Variants in LPA observed in about 807,000 individuals in gnomAD.
LPA encodes lipoprotein(a).
LPA carries 199 observed loss-of-function variants against 197.9 expected under a neutral mutation model. The ratio of observed to expected loss-of-function variants is 1.01; its 90% CI spans 0.90 to 1.13. The LOEUF is 1.13. Ranked by LOEUF, LPA falls within the 50% of genes most tolerant of loss-of-function variation. LPA has a pLI of 0.00. For missense variants in LPA, 1,853 were observed against 1,785.8 expected (o/e 1.04, Z -0.68); for synonymous variants, 715 against 639.5 (o/e 1.12, Z -1.78).
At chr6:160,595,011 G>A (rs971614847) in intron 21 of LPA, among the ~76,000 whole-genome samples, 1 of 152,290 alleles carries the variant, frequency 6.6e-6, no homozygotes, top group Middle Eastern at 3.4e-3. Context: ...ACCATGAAAG[G>A]CTTATCATGA....
At chr6:160,553,954 T>TGTGTGTGTGTGTGTGTGCAC (rs771903485) in intron 30 of LPA, among the ~76,000 whole-genome samples, 44 of 130,806 alleles carry the variant, frequency 3.4e-4, no homozygotes, top group Non-Finnish European at 4.8e-4. Flanking sequence ...TGTGTGTGTG[T>TGTGTGTGTGTGTGTGTGCAC]GCGCGCGCGC....
Position 160,595,548 on chromosome 6 carries a change from A to G in LPA, c.3288-13T>C, listed in dbSNP as rs763435449. 1.2e-6 allele frequency: 2 copies of G among 1,613,930 alleles called. No individual in the cohort carries two copies. The highest frequency in any genetic ancestry group is 1.7e-5 in the Admixed American group (1 of 60,016). ...CCTGGTCAGGCCACTGCAAATTTCA[A>G]AACAACACAGGTCACCAGAGATGGG... On this transcript the variant is annotated splice_polypyrimidine_tract_variant and intron_variant, in intron 20 of 38. Coordinates refer to ENST00000316300, the MANE Select transcript of LPA (RefSeq NM_005577.4).
chr6:160,577,171 G>A lies in LPA; in HGVS notation c.4596C>T (p.His1532=), dbSNP rs1778699777. 6.2e-7 allele frequency: 1 copy of A among 1,613,852 alleles called. No individual in the cohort carries two copies. Residue 1532 remains histidine, a synonymous_variant, in exon 28 of 39, where the codon CAC becomes CAT. Transcript: ENST00000316300. ...TCQSWSSMIP[H]WHQRTPENYP... is the part of the protein sequence containing the mutation. Reference sequence around the variant, plus strand: ...AGTTTTCTGGGGTCCTCTGATGCCAGTGTGGTATCATAGATGACCAAGATT... The same window carrying A: ...AGTTTTCTGGGGTCCTCTGATGCCAATGTGGTATCATAGATGACCAAGATT...
intron 26 of LPA, among the ~76,000 whole-genome samples, chr6:160,579,657 T>A (rs1451787789): frequency 6.6e-6 from 1 of 152,128 alleles, no homozygotes; most frequent in Non-Finnish European, 1.5e-5. Context: ...AGAACGTTGC[T>A]CCAACCTCTC....
chr6:160,571,941 C>G (rs751356763), intron 28 of LPA, among the ~76,000 whole-genome samples: 9 of 152,204 alleles, frequency 5.9e-5, no homozygotes, highest in Non-Finnish European at 1.0e-4. Flanking sequence ...ACTCCTGCAG[C>G]TAGCTTAGTG....
intron 34 of LPA, among the ~76,000 whole-genome samples, chr6:160,542,306 C>G (rs539409034): frequency 1.3e-5 from 2 of 152,306 alleles, no homozygotes; most frequent in East Asian, 3.9e-4. Context: ...TAAGTTTGCT[C>G]TTGTCCTCCC....
intron 20 of LPA, among the ~76,000 whole-genome samples, chr6:160,595,903 C>T (rs928632946): frequency 2.6e-5 from 4 of 152,038 alleles, no homozygotes; most frequent in African/African-American, 9.7e-5. Flanking sequence ...ATCAGAATAC[C>T]CTCCTTCCAC....
intron 28 of LPA, among the ~76,000 whole-genome samples, chr6:160,568,691 T>C (rs199763834): frequency 2.0e-5 from 3 of 152,210 alleles, no homozygotes; most frequent in African/African-American, 2.4e-5. Flanking sequence ...AAGAGGAAGT[T>C]AAATTGTCCC....
At chr6:160,576,905 C>A (rs1412196842) in intron 28 of LPA, among the ~76,000 whole-genome samples, 1 of 151,860 alleles carries the variant, frequency 6.6e-6, no homozygotes. Flanking sequence ...ATTAATATGA[C>A]TTCGCCACTT....
intron 2 of LPA, among the ~76,000 whole-genome samples, chr6:160,647,533 G>A (rs1779918699): frequency 6.6e-6 from 1 of 152,152 alleles, no homozygotes; most frequent in South Asian, 2.1e-4. Flanking sequence ...TGTACTAAGA[G>A]CCAGAGCTCT....
At chr6:160,586,337 A>C (rs1778909223) in intron 25 of LPA, 112 bp downstream of exon 25, 1 of 1,284,086 alleles carries the variant, frequency 7.8e-7, no homozygotes, top group Admixed American at 1.9e-5. Context: ...GCTGTCCATG[A>C]CTTCACCTTC....
At chr6:160,611,361 C>G (rs772845970) in intron 16 of LPA, among the ~76,000 whole-genome samples, 1 of 152,048 alleles carries the variant, frequency 6.6e-6, no homozygotes. Context: ...TTCTGCTCCA[C>G]AAAACTAGGA....
At chr6:160,591,900 A>G (rs1779036852) in intron 22 of LPA, among the ~76,000 whole-genome samples, 1 of 152,146 alleles carries the variant, frequency 6.6e-6, no homozygotes, top group Admixed American at 6.5e-5. Flanking sequence ...CTGTGGTCTT[A>G]GATCAACTGT....
At chr6:160,578,898 T>G (rs1188782287) in intron 26 of LPA, among the ~76,000 whole-genome samples, 194 bp from the exon 27 acceptor site, 2 of 152,204 alleles carry the variant, frequency 1.3e-5, no homozygotes, top group Non-Finnish European at 2.9e-5. Flanking sequence ...CATCACAGAT[T>G]ATAATTTTTG....
chr6:160,534,009 G>C (rs1230728537), intron 37 of LPA, among the ~76,000 whole-genome samples: 1 of 152,198 alleles, frequency 6.6e-6, no homozygotes, highest in Non-Finnish European at 1.5e-5. Context: ...AACTTTGCAA[G>C]CATGGCACAG....
chr6:160,589,204 G>C (rs925794307), intron 24 of LPA, among the ~76,000 whole-genome samples: 1 of 152,244 alleles, frequency 6.6e-6, no homozygotes, highest in Admixed American at 6.5e-5. Flanking sequence ...AGGGCTTGGA[G>C]ATTAGAATGA....
At chr6:160,565,563 G>A (rs531665801) in intron 28 of LPA, among the ~76,000 whole-genome samples, 1 of 152,178 alleles carries the variant, frequency 6.6e-6, no homozygotes, top group Non-Finnish European at 1.5e-5. Flanking sequence ...AAACCACAAA[G>A]ATGGGGAGAA....
intron 37 of LPA, among the ~76,000 whole-genome samples, chr6:160,534,181 C>A (rs1237139655): frequency 1.3e-5 from 2 of 152,124 alleles, no homozygotes; most frequent in Non-Finnish European, 2.9e-5. Flanking sequence ...TCCTGACTAC[C>A]GAGCATTGGG....
chr6:160,584,273 T>TTCTTCC, intron 26 of LPA, among the ~76,000 whole-genome samples: 1 of 102,148 alleles, frequency 9.8e-6, no homozygotes, highest in Non-Finnish European at 2.1e-5. Context: ...CCTCTTCCTC[T>TTCTTCC]TCTTCTTCTT....
Sources: gnomAD v4.1 joint callset for allele counts (sites outside exome capture counted in the v4.1 genomes callset) on GRCh38, gnomAD v4.1.1 for gene constraint, MANE v1.5 for transcripts, NCBI Gene and HGNC (gene_info 2026-07-23, HGNC 2026-07-21) for gene names.